CEMIP2: variants seen among roughly 807,000 people sequenced by gnomAD.
The protein encoded by CEMIP2 is cell migration inducing hyaluronidase 2.
CEMIP2 carries 79 observed loss-of-function variants against 146.9 expected under a neutral mutation model. The ratio of observed to expected loss-of-function variants is 0.54; its 90% confidence interval spans 0.45 to 0.65. The LOEUF is 0.65. Ranked by LOEUF, CEMIP2 falls within the 30% of genes least tolerant of loss-of-function variation. The pLI is 0.00. For synonymous variants in CEMIP2, 601 were observed against 606.3 expected (o/e 0.99, Z 0.13); for missense variants, 1,596 against 1,696.2 (o/e 0.94, Z 1.04).
At chr9:71,711,562 G>T (rs953287624) in intron 16 of CEMIP2, among the ~76,000 whole-genome samples, 2 of 151,314 alleles carry the variant, frequency 1.3e-5, no homozygotes, top group African/African-American at 4.9e-5. Flanking sequence ...GTGCACTGCA[G>T]CCTGGGTGAC....
At chr9:71,689,319 G>A (rs1287396486) in intron 22 of CEMIP2, among the ~76,000 whole-genome samples, 1 of 152,124 alleles carries the variant, frequency 6.6e-6, no homozygotes, top group African/African-American at 2.4e-5. Context: ...CTTTAATTTG[G>A]GGAAAGCTTA....
intron 1 of CEMIP2, among the ~76,000 whole-genome samples, chr9:71,767,178 G>C (rs1824821124): frequency 6.6e-6 from 1 of 152,160 alleles, no homozygotes. Context: ...AGAAAGATAA[G>C]GCTAACCATT....
Position 71,750,351 on chromosome 9 carries a change from C to G in CEMIP2, c.23G>C (p.Gly8Ala). The change falls in exon 2 of 24, where the codon GGA becomes GCA. Residue 8 changes from glycine (G) to alanine (A), a missense_variant. Physicochemically the swap from Gly to Ala is moderately conservative, Grantham distance 60. Coordinates refer to ENST00000377044, the MANE Select transcript of CEMIP2 (RefSeq NM_013390.3). MYATDSR[G>A]HSPAFLQPQN... is the part of the protein sequence containing the mutation. ...AGGTTGGAGGAAAGCAGGGGAGTGT[C>G]CCCTGGAATCAGTGGCATACATGAT... 1.9e-6 allele frequency: 3 copies of G among 1,612,218 alleles called. No individual in the cohort carries two copies. Among genetic ancestry groups the G allele is most frequent in the Non-Finnish European group, 1.7e-6 (2 of 1,179,212 alleles).
At chr9:71,685,498 G>T in intron 23 of CEMIP2, 105 bp from the exon 24 acceptor site, 1 of 1,304,652 alleles carries the variant, frequency 7.7e-7, no homozygotes, top group Non-Finnish European at 1.0e-6. Context: ...AACAAAGGCA[G>T]CTATTAAAAA....
intron 11 of CEMIP2, 152 bp from the exon 12 acceptor site, chr9:71,722,667 AAC>A: frequency 8.9e-6 from 5 of 564,856 alleles, no homozygotes; most frequent in Non-Finnish European, 1.2e-5. Context: ...AAAAAAAAAA[AAC>A]AGCTACTTTC....
chr9:71,733,420 G>T (rs1474323281), intron 6 of CEMIP2, among the ~76,000 whole-genome samples: 1 of 152,126 alleles, frequency 6.6e-6, no homozygotes, highest in Admixed American at 6.5e-5. Flanking sequence ...ATGCCAGATG[G>T]TATCATAGTT....
intron 2 of CEMIP2, among the ~76,000 whole-genome samples, chr9:71,747,815 T>C (rs1221913201): frequency 1.3e-5 from 2 of 152,310 alleles, no homozygotes; most frequent in Non-Finnish European, 1.5e-5. Flanking sequence ...TTTCTCTTAT[T>C]AACCACAGCT....
chr9:71,763,640 C>A (rs1217284393), intron 1 of CEMIP2, among the ~76,000 whole-genome samples: 1 of 152,166 alleles, frequency 6.6e-6, no homozygotes, highest in Non-Finnish European at 1.5e-5. Context: ...ACCCTTGATA[C>A]AACAAATGTA....
intron 21 of CEMIP2, 97 bp downstream of exon 21, chr9:71,694,412 C>T (rs530611972): frequency 6.1e-5 from 58 of 954,250 alleles, no homozygotes; most frequent in African/African-American, 8.2e-5. Flanking sequence ...TGTGAGCCAC[C>T]GCACCCAGCC....
chr9:71,694,391 G>A (rs1049622135), intron 21 of CEMIP2, 118 bp downstream of exon 21: 5 of 711,288 alleles, frequency 7.0e-6, no homozygotes, highest in African/African-American at 1.8e-5. Context: ...CCAAAGTGCT[G>A]GGATCACAGG....
At chr9:71,709,637 TTTTCTACTCAATTAATGAC>T (rs1822849917) in intron 16 of CEMIP2, among the ~76,000 whole-genome samples, 163 bp from the exon 17 acceptor site, 1 of 152,078 alleles carries the variant, frequency 6.6e-6, no homozygotes. Context: ...TCAGCCTGAG[TTTTCTACTCAATTAATGAC>T]ATGCTGGGGT....
At chr9:71,694,743 T>C (rs1180405799) in intron 20 of CEMIP2, 136 bp from the exon 21 acceptor site, 6 of 609,878 alleles carry the variant, frequency 9.8e-6, no homozygotes, top group African/African-American at 1.9e-5. Context: ...TTTCATGACC[T>C]AGAATTCCAT....
chr9:71,723,114 C>A (rs1823284854), intron 11 of CEMIP2, among the ~76,000 whole-genome samples: 2 of 121,498 alleles, frequency 1.6e-5, no homozygotes, highest in African/African-American at 6.1e-5. Flanking sequence ...CTAGAGATGG[C>A]AGAGAGCATG....
intron 20 of CEMIP2, among the ~76,000 whole-genome samples, chr9:71,695,843 T>A (rs1822383551): frequency 6.6e-6 from 1 of 152,130 alleles, no homozygotes; most frequent in Admixed American, 6.5e-5. Context: ...AGGCCGGGCA[T>A]GGTGGTTCAC....
At position 71,725,720 on chromosome 9, in the gene CEMIP2, A is replaced by C. The variant is rs1347148240; in HGVS notation, c.2050-11T>G. The C allele has an allele frequency of 6.2e-7, 1 of 1,611,412 alleles. No homozygotes were observed. Among genetic ancestry groups the C allele is most frequent in the Admixed American group, 1.7e-5 (1 of 59,682 alleles). The stretch of plus-strand genomic sequence containing the variant: ...CCATATTCCAGCATCCTACAAATGA[A>C]AGGACAAGCCCATTAAAAGCCTAAT... On this transcript the variant is annotated splice_polypyrimidine_tract_variant and intron_variant, in intron 10 of 23. Coordinates refer to ENST00000377044, the MANE Select transcript of CEMIP2 (RefSeq NM_013390.3).
chr9:71,763,447 A>T (rs1407273568), intron 1 of CEMIP2, among the ~76,000 whole-genome samples: 1 of 152,234 alleles, frequency 6.6e-6, no homozygotes, highest in Non-Finnish European at 1.5e-5. Flanking sequence ...TCATGGGCTC[A>T]ATGTGGATTG....
At position 71,735,048 on chromosome 9, in the gene CEMIP2, T is replaced by C. The variant is rs1166016701; in HGVS notation, c.1205-54A>G. The C allele has an allele frequency of 2.6e-6, 4 of 1,534,014 alleles. No individual in the cohort carries two copies. In the African/African-American group the frequency reaches 4.2e-5, roughly 16 times the overall value. The stretch of plus-strand genomic sequence containing the variant: ...AAAGTGATACATTAACAGTATTTTT[T>C]TCTCTCTAAAATGAACCCTCACACT... On this transcript the variant is annotated intron_variant, in intron 5 of 23. Transcript: ENST00000377044.
chr9:71,749,187 A>T (rs1824174990), intron 2 of CEMIP2, among the ~76,000 whole-genome samples: 1 of 152,196 alleles, frequency 6.6e-6, no homozygotes, highest in Admixed American at 6.5e-5. Flanking sequence ...CATAATATTT[A>T]ACTATGAAGT....
At position 71,738,293 on chromosome 9, in the gene CEMIP2, G is replaced by A. The variant is rs575167086; in HGVS notation, c.1204+1770C>T. Among the ~76,000 whole-genome samples the A allele has an allele frequency of 9.2e-5, 14 of 152,122 alleles. No individual in the cohort carries two copies. In the South Asian group the frequency reaches 1.0e-3, roughly 11 times the overall value. ...TTTGGGAGGCTGAGATCGACAGATC[G>A]CTTGAGGTCAGGAGTTGGAGACCAG... is the stretch of plus-strand genomic sequence containing the variant. On this transcript the variant is annotated intron_variant, in intron 5 of 23. Transcript: ENST00000377044.
Sources: gnomAD v4.1 joint callset for allele counts (sites outside exome capture counted in the v4.1 genomes callset) on GRCh38, gnomAD v4.1.1 for gene constraint, MANE v1.5 for transcripts, NCBI Gene and HGNC (gene_info 2026-07-23, HGNC 2026-07-21) for gene names.